The following ERAP1 variants were observed in gnomAD, a reference collection of about 807,000 sequenced individuals.
The protein encoded by ERAP1 is endoplasmic reticulum aminopeptidase 1.
ERAP1 carries 86 observed loss-of-function variants against 103.7 expected under a neutral mutation model. The observed-to-expected ratio is 0.83, with a 90% CI of 0.70 to 0.99. ERAP1 has a LOEUF of 0.99. Among genes scored for constraint, ERAP1 ranks in the 50% least tolerant of loss-of-function variants. The probability of loss-of-function intolerance (pLI) is 0.00; values close to 1 mark genes in which losing one functional copy is unlikely to be tolerated. For missense variants in ERAP1, 1,009 were observed against 1,128.4 expected (o/e 0.89, Z 1.52); for synonymous variants, 398 against 402.4 (o/e 0.99, Z 0.13).
intron 5 of ERAP1, among the ~76,000 whole-genome samples, chr5:96,794,486 C>G (rs13168673): frequency 6.6e-6 from 1 of 152,034 alleles, no homozygotes; most frequent in African/African-American, 2.4e-5. Flanking sequence ...CCACCGTGCC[C>G]GCCTTTTCAG....
chr5:96,851,977 C>A, the ERAP1 span, among the ~76,000 whole-genome samples: 1 of 152,174 alleles, frequency 6.6e-6, no homozygotes, highest in African/African-American at 2.4e-5. Context: ...CGTCTGACAG[C>A]TGAGAAGAGC....
chr5:96,861,310 T>G, the ERAP1 span, among the ~76,000 whole-genome samples: 12,795 of 152,222 alleles, frequency 0.084, 711 homozygotes, highest in Middle Eastern at 0.16. Context: ...ACACAGATAC[T>G]TCACTAAGGC....
chr5:96,796,860 A>G (rs575642450), intron 4 of ERAP1, among the ~76,000 whole-genome samples: 1 of 152,138 alleles, frequency 6.6e-6, no homozygotes, highest in Non-Finnish European at 1.5e-5. Context: ...GTGCACAATC[A>G]TACCTCATTG....
chr5:96,885,773 C>G, the ERAP1 span, among the ~76,000 whole-genome samples: 1 of 152,158 alleles, frequency 6.6e-6, no homozygotes, highest in Admixed American at 6.6e-5. Flanking sequence ...GATCTGTATC[C>G]ATTCAGTATT....
chr5:96,790,421 T>C, intron 9 of ERAP1, 54 bp from the exon 10 acceptor site: 1 of 1,609,272 alleles, frequency 6.2e-7, no homozygotes, highest in Non-Finnish European at 8.5e-7. Flanking sequence ...ACAATGATTC[T>C]CCTCAGAGGG....
At chr5:96,816,007 A>C in the ERAP1 span, among the ~76,000 whole-genome samples, 1 of 152,188 alleles carries the variant, frequency 6.6e-6, no homozygotes, top group Non-Finnish European at 1.5e-5. Flanking sequence ...TAGGGGAATA[A>C]AAAATTATTT....
intron 9 of ERAP1, 39 bp downstream of exon 9, chr5:96,790,473 G>A: frequency 6.2e-7 from 1 of 1,612,932 alleles, no homozygotes; most frequent in Non-Finnish European, 8.5e-7. Flanking sequence ...TGATAAGCCT[G>A]TCAATCCCAA....
At chr5:96,880,738 T>C in the ERAP1 span, among the ~76,000 whole-genome samples, 2 of 152,240 alleles carry the variant, frequency 1.3e-5, no homozygotes, top group South Asian at 4.1e-4. Flanking sequence ...ATAGTCAATT[T>C]GATCAAGTCA....
the ERAP1 span, among the ~76,000 whole-genome samples, chr5:96,915,159 C>T: frequency 1.3e-5 from 2 of 152,052 alleles, no homozygotes; most frequent in Non-Finnish European, 2.9e-5. Context: ...AGGCATGCAC[C>T]ACCATGCCCA....
At chr5:96,847,418 T>C in the ERAP1 span, among the ~76,000 whole-genome samples, 1 of 152,102 alleles carries the variant, frequency 6.6e-6, no homozygotes, top group African/African-American at 2.4e-5. Context: ...GAAAGATCAT[T>C]CAGACAGAAA....
At chr5:96,835,376 G>A in the ERAP1 span, among the ~76,000 whole-genome samples, 2 of 152,286 alleles carry the variant, frequency 1.3e-5, no homozygotes, top group South Asian at 4.1e-4. Flanking sequence ...CACATGAATT[G>A]CTACAAGGAT....
the ERAP1 span, among the ~76,000 whole-genome samples, chr5:96,857,549 G>A: frequency 6.6e-6 from 1 of 152,132 alleles, no homozygotes; most frequent in South Asian, 2.1e-4. Context: ...CATAAAGCAT[G>A]GGTATTATCA....
At chr5:96,835,932 G>T in the ERAP1 span, among the ~76,000 whole-genome samples, 1 of 152,128 alleles carries the variant, frequency 6.6e-6, no homozygotes, top group Non-Finnish European at 1.5e-5. Context: ...ATCCAAACAT[G>T]ATCTGAGAAC....
At chr5:96,905,337 T>C in the ERAP1 span, among the ~76,000 whole-genome samples, 1 of 152,178 alleles carries the variant, frequency 6.6e-6, no homozygotes, top group African/African-American at 2.4e-5. Flanking sequence ...TATTTCAAAA[T>C]GCTATTGTTG....
chr5:96,808,954 C>A (rs1778981373), upstream of ERAP1, among the ~76,000 whole-genome samples: 1 of 152,148 alleles, frequency 6.6e-6, no homozygotes, highest in Non-Finnish European at 1.5e-5. Context: ...AAAAGAATGG[C>A]TACTCATAGG....
chr5:96,767,509 T>C (rs771690703), intron 19 of ERAP1: 1 of 1,598,296 alleles, frequency 6.3e-7, no homozygotes, highest in South Asian at 1.1e-5. Flanking sequence ...CATATTTCCA[T>C]TAAATTTTGT....
At chr5:96,801,103 T>A in intron 2 of ERAP1, 103 bp from the exon 3 acceptor site, 1 of 1,307,642 alleles carries the variant, frequency 7.6e-7, no homozygotes, top group Non-Finnish European at 1.1e-6. Context: ...GATTGATGGA[T>A]TTTGCTACTA....
the ERAP1 span, among the ~76,000 whole-genome samples, chr5:96,853,154 C>T: frequency 6.6e-6 from 1 of 152,114 alleles, no homozygotes; most frequent in Non-Finnish European, 1.5e-5. Context: ...CATAAGGGAT[C>T]AAGGCCAGAG....
chr5:96,835,472 T>A, the ERAP1 span, among the ~76,000 whole-genome samples: 1 of 152,220 alleles, frequency 6.6e-6, no homozygotes, highest in African/African-American at 2.4e-5. Context: ...CTGTCATATA[T>A]CTTTTTAAAA....
Sources: gnomAD v4.1 joint callset for allele counts (sites outside exome capture counted in the v4.1 genomes callset) on GRCh38, gnomAD v4.1.1 for gene constraint, MANE v1.5 for transcripts, NCBI Gene and HGNC (gene_info 2026-07-23, HGNC 2026-07-21) for gene names.